The following SRC variants were observed in gnomAD, a reference collection of about 807,000 sequenced individuals.
SRC encodes proto-oncogene tyrosine-protein kinase Src.
In SRC, 13 loss-of-function variants were observed where a neutral mutation model predicts 62.9. The observed-to-expected ratio is 0.21, with a 90% CI of 0.13 to 0.33. The LOEUF is 0.33. Among genes scored for constraint, SRC ranks in the 10% least tolerant of loss-of-function variants. The pLI is 1.00. For synonymous variants in SRC, 302 were observed against 317.5 expected, an observed-to-expected ratio of 0.95 and a Z score of 0.52; for missense variants, 457 against 737.3, an observed-to-expected ratio of 0.62 and a Z score of 4.40.
chr20:37,373,426 C>T (rs527772302), intron 2 of SRC, among the ~76,000 whole-genome samples: 6 of 146,888 alleles, frequency 4.1e-5, no homozygotes, highest in South Asian at 2.1e-4. Flanking sequence ...CGCATATATG[C>T]GTGTATATAC....
chr20:37,360,045 C>T (rs954184299), intron 1 of SRC, among the ~76,000 whole-genome samples: 8 of 152,022 alleles, frequency 5.3e-5, no homozygotes, highest in Non-Finnish European at 7.4e-5. Context: ...CACACCTGTT[C>T]TATCCCATCC....
At chr20:37,383,701 A>G in intron 3 of SRC, 1 of 165,840 alleles carries the variant, frequency 6.0e-6, no homozygotes, top group South Asian at 1.4e-4. Flanking sequence ...TCTCCCAAAA[A>G]GGCTGGTGCC....
intron 2 of SRC, among the ~76,000 whole-genome samples, chr20:37,382,413 A>G (rs975408445): frequency 3.3e-5 from 5 of 152,168 alleles, no homozygotes; most frequent in Non-Finnish European, 7.4e-5. Flanking sequence ...CCACCATGCC[A>G]TACCCTGTCT....
intron 5 of SRC, among the ~76,000 whole-genome samples, chr20:37,387,810 T>C (rs893395020): frequency 6.6e-6 from 1 of 152,256 alleles, no homozygotes; most frequent in Non-Finnish European, 1.5e-5. Flanking sequence ...CACCATTTCT[T>C]GTGCTCTCTG....
chr20:37,358,508 T>C (rs149583936), intron 1 of SRC, among the ~76,000 whole-genome samples: 1 of 152,322 alleles, frequency 6.6e-6, no homozygotes, highest in East Asian at 1.9e-4. Flanking sequence ...CCGGGTGGTC[T>C]CTGCACAGCC....
At position 37,402,417 on chromosome 20, in the gene SRC, C is replaced by T. The variant is rs2070751902; in HGVS notation, c.1117-18C>T. Reference sequence around the variant, plus strand: ...CATGGGTGGCACCTGAGCCAGGCTCCCACGGTTCCGCCTGCAGATCGCCTC... The same window carrying T: ...CATGGGTGGCACCTGAGCCAGGCTCTCACGGTTCCGCCTGCAGATCGCCTC... On this transcript the variant is annotated intron_variant, in intron 11 of 13. Transcript: ENST00000373578. The surrounding 1 kb of genome is among the most constrained non-coding windows in gnomAD (Gnocchi z 6.2). 1 of 1,607,834 alleles carries T rather than the reference C, an allele frequency of 6.2e-7. No homozygotes were observed. The highest frequency in any genetic ancestry group is 1.3e-5 in the African/African-American group (1 of 74,718).
intron 2 of SRC, among the ~76,000 whole-genome samples, chr20:37,380,268 G>T (rs1241150440): frequency 6.6e-6 from 1 of 152,126 alleles, no homozygotes. Flanking sequence ...TTGTGAGAGA[G>T]ATCCCTGGGG....
chr20:37,389,937 C>T (rs749494369), intron 5 of SRC, among the ~76,000 whole-genome samples: 2 of 152,128 alleles, frequency 1.3e-5, no homozygotes, highest in African/African-American at 2.4e-5. Flanking sequence ...TGCTGGATGC[C>T]GTAGAATTCC....
chr20:37,361,216 G>A (rs1193746969), intron 1 of SRC, among the ~76,000 whole-genome samples: 1 of 152,176 alleles, frequency 6.6e-6, no homozygotes, highest in Non-Finnish European at 1.5e-5. Context: ...ATGGGAGCTT[G>A]CGGCAGGCCC....
rs766894001 is a variant in SRC, at chr20:37,403,181, C to T, written c.1413C>T (p.Asn471=). Residue 471 remains asparagine (N), a synonymous_variant, in exon 14 of 14, where the codon AAC becomes AAT. Coordinates refer to ENST00000373578, the MANE Select transcript of SRC (RefSeq NM_198291.3). This position sits in a 1 kb window ranked among gnomAD's most constrained non-coding sequence, Gnocchi z 7.1. ...KGRVPYPGMV[N]REVLDQVERG... Reference sequence around the variant, plus strand: ...TCGCTCTGCCCACAGGGATGGTGAACCGCGAGGTGCTGGACCAGGTGGAGC... The same window carrying T: ...TCGCTCTGCCCACAGGGATGGTGAATCGCGAGGTGCTGGACCAGGTGGAGC... 2.5e-5 allele frequency: 38 copies of T among 1,544,616 alleles called. No individual in the cohort carries two copies. The South Asian group carries it at 3.9e-4, about 16-fold the overall frequency.
At chr20:37,377,197 A>G (rs770805325) in intron 2 of SRC, among the ~76,000 whole-genome samples, 13 of 152,162 alleles carry the variant, frequency 8.5e-5, no homozygotes, top group Non-Finnish European at 1.8e-4. Context: ...GATAATAACA[A>G]CAGTAAACAA....
chr20:37,402,002 CT>C lies in SRC; in HGVS notation c.1116+335del, dbSNP rs377428918. The C allele has an allele frequency of 0.034, 9,863 of 291,792 alleles. 4 individuals are homozygous for C. Among genetic ancestry groups the C allele is most frequent in the East Asian group, 0.045 (762 of 17,026 alleles). The allele number at this position is 291,792 out of a possible 1,614,324, so 18.1% of individuals were successfully genotyped here. ...TTGCTGTAGGCAGTGGTCAACAAGC[CT>C]TTTTTTTTTTCATTTAATCCTCATC... On this transcript the variant is annotated intron_variant, in intron 11 of 13. Coordinates refer to ENST00000373578, the MANE Select transcript of SRC (RefSeq NM_198291.3). This position sits in a 1 kb window ranked among gnomAD's most constrained non-coding sequence, Gnocchi z 6.2.
At chr20:37,368,627 A>G (rs1182372795) in intron 2 of SRC, among the ~76,000 whole-genome samples, 3 of 116,024 alleles carry the variant, frequency 2.6e-5, no homozygotes, top group Non-Finnish European at 4.9e-5. Context: ...ATCTCGGCTC[A>G]CTGCAAGCTC....
At chr20:37,350,926 A>G (rs1306761930) in intron 1 of SRC, among the ~76,000 whole-genome samples, 1 of 152,148 alleles carries the variant, frequency 6.6e-6, no homozygotes, top group Non-Finnish European at 1.5e-5. Flanking sequence ...ATCTATTCTG[A>G]CCTTCTCCTT....
chr20:37,383,876 C>G (rs2070401857), intron 3 of SRC, among the ~76,000 whole-genome samples: 1 of 151,492 alleles, frequency 6.6e-6, no homozygotes. Flanking sequence ...GGACTACAGG[C>G]GCGTGCCACC....
At position 37,405,882 on chromosome 20, in the gene SRC, C is replaced by G. The variant is rs1261871245; in HGVS notation, c.*2503C>G. The G allele has an allele frequency of 6.6e-6, 1 of 152,272 alleles. No individual in the cohort carries two copies. The highest frequency in any genetic ancestry group is 1.5e-5 in the Non-Finnish European group (1 of 68,064). The allele number at this position is 152,272 out of a possible 1,614,324, so 9.4% of individuals were successfully genotyped here. On this transcript the variant is annotated 3_prime_UTR_variant, in exon 14 of 14. Transcript: ENST00000373578. ...GAAGAAAAATCCAAAGACCCTTCCCCTCCTCCCTCCTTCCCCACCACCGAA... is the reference window on the plus strand; with the variant it reads ...GAAGAAAAATCCAAAGACCCTTCCCGTCCTCCCTCCTTCCCCACCACCGAA...
intron 2 of SRC, among the ~76,000 whole-genome samples, chr20:37,367,095 ATTT>A (rs770197409): frequency 2.8e-4 from 35 of 125,348 alleles, no homozygotes; most frequent in Middle Eastern, 3.9e-3. Flanking sequence ...TGTGGTTTTG[ATTT>A]TTTTTTTTTT....
intron 5 of SRC, among the ~76,000 whole-genome samples, chr20:37,387,174 G>A (rs1232416805): frequency 2.6e-5 from 4 of 152,352 alleles, no homozygotes; most frequent in East Asian, 1.9e-4. Flanking sequence ...TGCCCCGAGC[G>A]TGTCTGGCTT....
At chr20:37,400,076 G>A (rs758983790) in intron 9 of SRC, 39 bp from the exon 10 acceptor site, 2 of 1,547,504 alleles carry the variant, frequency 1.3e-6, no homozygotes. Flanking sequence ...GTAGGAGTTG[G>A]GGGGCTCCAC....
Sources: allele counts gnomAD v4.1 joint callset (sites outside exome capture counted in the v4.1 genomes callset), GRCh38; gene constraint gnomAD v4.1.1; non-coding constraint Gnocchi (gnomAD v3.1); transcripts MANE v1.5; gene names NCBI Gene and HGNC (gene_info 2026-07-23, HGNC 2026-07-21).